The following CAST variants were observed in gnomAD, a reference collection of about 807,000 sequenced individuals.
CAST encodes the protein calpastatin.
CAST carries 76 observed loss-of-function variants against 119.6 expected under a neutral mutation model. The ratio of observed to expected loss-of-function variants is 0.64; its 90% confidence interval spans 0.53 to 0.77. The LOEUF (loss-of-function observed/expected upper bound fraction) is 0.77, where lower values mean the gene tolerates loss of function less well. CAST is among the 30% of genes least tolerant of loss of function. CAST has a pLI of 0.00. For missense variants in CAST, 953 were observed against 946.5 expected, an observed-to-expected ratio of 1.01 and a Z score of -0.09; for synonymous variants, 319 against 331.6, an observed-to-expected ratio of 0.96 and a Z score of 0.41.
chr5:96,736,454 A>C (rs1035700214), intron 10 of CAST, among the ~76,000 whole-genome samples: 1 of 140,668 alleles, frequency 7.1e-6, no homozygotes, highest in African/African-American at 2.5e-5. Flanking sequence ...CCCTTTTTTA[A>C]AAAAAAACAA....
chr5:96,638,089 G>T (rs564872078), intron 1 of CAST, among the ~76,000 whole-genome samples: 3 of 152,290 alleles, frequency 2.0e-5, no homozygotes, highest in Non-Finnish European at 2.9e-5. Flanking sequence ...CCCTTCATCT[G>T]GGTGTTTTTA....
the CAST span, among the ~76,000 whole-genome samples, chr5:96,237,282 T>C: frequency 6.6e-6 from 1 of 152,186 alleles, no homozygotes; most frequent in African/African-American, 2.4e-5. Flanking sequence ...TGAGCTACCC[T>C]AGAACCTTTG....
At chr5:96,553,474 G>C (rs769088957) in intron 1 of CAST, among the ~76,000 whole-genome samples, 3 of 152,048 alleles carry the variant, frequency 2.0e-5, no homozygotes, top group Non-Finnish European at 2.9e-5. Flanking sequence ...TGTAAACCTG[G>C]GAGCATTCCC....
Position 96,737,856 on chromosome 5 carries a change from TG to T in CAST, c.709del (p.Asp237MetfsTer7). On this transcript the variant is annotated frameshift_variant, in exon 11 of 32. Coordinates refer to ENST00000675179, the MANE Select transcript of CAST (RefSeq NM_001750.7). LOFTEE classifies it high-confidence loss of function. The part of the protein sequence containing the change: ...KPDKPSGKSG[M>X]DAALDDLIDT... Reference sequence around the variant, plus strand: ...CTGTTCTTTCTTTTCCAGTCAGGCATGGATGCTGCTTTGGATGACTTAATAG... The same window carrying T: ...CTGTTCTTTCTTTTCCAGTCAGGCATGATGCTGCTTTGGATGACTTAATAG... The T allele has an allele frequency of 6.4e-7, 1 of 1,572,560 alleles. No homozygotes were observed. The highest frequency in any genetic ancestry group is 8.7e-7 in the Non-Finnish European group (1 of 1,143,240).
the CAST span, among the ~76,000 whole-genome samples, chr5:95,987,811 A>G: frequency 6.6e-6 from 1 of 152,200 alleles, no homozygotes; most frequent in Admixed American, 6.5e-5. Context: ...CATTAGCTAT[A>G]CGTGACTATT....
the CAST span, among the ~76,000 whole-genome samples, chr5:96,052,244 G>A: frequency 3.9e-5 from 6 of 152,170 alleles, no homozygotes; most frequent in South Asian, 6.2e-4. Context: ...TGACCATCAC[G>A]TGGGCCCCTT....
the CAST span, among the ~76,000 whole-genome samples, chr5:96,169,978 A>T: frequency 6.6e-6 from 1 of 152,194 alleles, no homozygotes; most frequent in Non-Finnish European, 1.5e-5. Flanking sequence ...GTCAATACCC[A>T]CAACAGTTAT....
the CAST span, among the ~76,000 whole-genome samples, chr5:96,058,617 T>G: frequency 4.8e-5 from 7 of 145,424 alleles, no homozygotes; most frequent in African/African-American, 7.3e-5. Context: ...TGGATAATCT[T>G]TATTATGAAG....
At chr5:96,380,876 ACT>A in the CAST span, among the ~76,000 whole-genome samples, 2 of 152,198 alleles carry the variant, frequency 1.3e-5, no homozygotes, top group East Asian at 3.9e-4. Flanking sequence ...GTGGGTAAAA[ACT>A]CTATTCAAAG....
chr5:96,413,862 G>A, the CAST span, among the ~76,000 whole-genome samples: 3 of 138,054 alleles, frequency 2.2e-5, no homozygotes, highest in African/African-American at 8.2e-5. Context: ...GCTCACGCCT[G>A]TAATCCCAGC....
intron 2 of CAST, among the ~76,000 whole-genome samples, chr5:96,676,239 G>C (rs926423874): frequency 6.6e-6 from 1 of 152,112 alleles, no homozygotes; most frequent in Non-Finnish European, 1.5e-5. Flanking sequence ...CCTGCTTTTT[G>C]TGTGTTAAAT....
At chr5:96,768,972 C>CA (rs945448784) in intron 29 of CAST, 42 of 152,342 alleles carry the variant, frequency 2.8e-4, no homozygotes, top group African/African-American at 9.4e-4. Context: ...TCCTCATTAG[C>CA]AAAATGCCTG....
chr5:96,741,077 T>C lies in CAST; in HGVS notation c.919-189T>C, dbSNP rs560490012. 162 of 595,628 alleles carry C rather than the reference T, an allele frequency of 2.7e-4. No individual in the cohort carries two copies. In the African/African-American group the frequency reaches 2.9e-3, roughly 11 times the overall value. 36.9% of individuals were successfully genotyped at this position (595,628 alleles called of 1,614,324 possible). Reference sequence around the variant, plus strand: ...TGTAACTCCTTTTGAAAGGGGGAAGTGGAAAATAATACTCAATGAGTAGCC... The same window carrying C: ...TGTAACTCCTTTTGAAAGGGGGAAGCGGAAAATAATACTCAATGAGTAGCC... On this transcript the variant is annotated intron_variant, in intron 13 of 31. Coordinates refer to ENST00000675179, the MANE Select transcript of CAST (RefSeq NM_001750.7).
chr5:96,700,877 A>G (rs1005099081), intron 3 of CAST, among the ~76,000 whole-genome samples: 3 of 152,142 alleles, frequency 2.0e-5, no homozygotes, highest in Admixed American at 6.5e-5. Context: ...CCTTCACTCT[A>G]AGGAAAGGAG....
the CAST span, among the ~76,000 whole-genome samples, chr5:96,502,834 T>G: frequency 6.6e-6 from 1 of 152,196 alleles, no homozygotes; most frequent in African/African-American, 2.4e-5. Flanking sequence ...CTCACTTCTT[T>G]AAATATCCAC....
At chr5:96,763,013 G>A in intron 25 of CAST, 1 of 672,636 alleles carries the variant, frequency 1.5e-6, no homozygotes, top group Non-Finnish European at 2.7e-6. Flanking sequence ...CATTACCAAG[G>A]AGACCACAGC....
At chr5:96,674,293 TATA>T (rs1333595484) in intron 1 of CAST, among the ~76,000 whole-genome samples, 1 of 150,754 alleles carries the variant, frequency 6.6e-6, no homozygotes, top group Non-Finnish European at 1.5e-5. Flanking sequence ...GTGCCTTGTA[TATA>T]ATAATAACAT....
At chr5:96,764,922 C>T (rs1769307515) in intron 25 of CAST, among the ~76,000 whole-genome samples, 1 of 152,132 alleles carries the variant, frequency 6.6e-6, no homozygotes, top group Non-Finnish European at 1.5e-5. Context: ...GATATGGCTC[C>T]TGAGGCTGCC....
the CAST span, among the ~76,000 whole-genome samples, chr5:95,988,622 TGA>T: frequency 6.6e-6 from 1 of 152,320 alleles, no homozygotes; most frequent in South Asian, 2.1e-4. Flanking sequence ...TCAGATGGTC[TGA>T]GTGCAAACCA....
Sources: gnomAD v4.1 joint callset for allele counts (sites outside exome capture counted in the v4.1 genomes callset) on GRCh38, gnomAD v4.1.1 for gene constraint, MANE v1.5 for transcripts, NCBI Gene and HGNC (gene_info 2026-07-23, HGNC 2026-07-21) for gene names.